The following PKD1 variants were observed in gnomAD, a reference collection of about 807,000 sequenced individuals.
PKD1 encodes the protein polycystin-1.
In PKD1, 81 loss-of-function variants were observed where a neutral mutation model predicts 361.7. That is an observed-to-expected ratio of 0.22 (90% CI 0.19 to 0.27). The LOEUF is 0.27. Among genes scored for constraint, PKD1 ranks in the 10% least tolerant of loss-of-function variants. The probability of loss-of-function intolerance (pLI) is 1.00; values close to 1 mark genes in which losing one functional copy is unlikely to be tolerated. For missense variants in PKD1, 6,399 were observed against 6,118.3 expected, an observed-to-expected ratio of 1.05 and a Z score of -1.53; for synonymous variants, 3,615 against 2,818.3, an observed-to-expected ratio of 1.28 and a Z score of -8.95.
intron 20 of PKD1, 184 bp from the exon 21 acceptor site, chr16:2,105,658 G>C (rs539110445): frequency 1.0e-5 from 15 of 1,448,298 alleles, no homozygotes; most frequent in Non-Finnish European, 1.3e-5. Flanking sequence ...CCTCCTGGGC[G>C]GGGGCTGCAT....
chr16:2,090,577 C>T lies in PKD1; in HGVS notation c.12152G>A (p.Cys4051Tyr). 3.1e-6 allele frequency: 5 copies of T among 1,608,966 alleles called. No homozygotes were observed. The highest frequency in any genetic ancestry group is 4.2e-6 in the Non-Finnish European group (5 of 1,179,732). Residue 4051 changes from cysteine to tyrosine, a missense_variant, in exon 45 of 46, where the codon TGT (cysteine) becomes TAT (tyrosine). Transcript: ENST00000262304. The part of the protein sequence containing the change: ...AQLAILLVSS[C>Y]VDSLWSVAQA... ...GGCCACGCTCCAGAGGGAGTCCACA[C>T]AGGAAGACACGAGCTGCGGGGAAGG...
intron 30 of PKD1, chr16:2,098,824 G>A (rs1308551144): frequency 7.2e-6 from 1 of 138,248 alleles, no homozygotes; most frequent in African/African-American, 3.1e-5. Flanking sequence ...GCTTTTCTTT[G>A]TGGGATTTTT....
Position 2,112,266 on chromosome 16 carries a change from T to C in PKD1, c.3295+74A>G, listed in dbSNP as rs2092532788. ...GCTGTTGGGGAGGAAGGGGGGCAGCTTGACTGGGGAGCTGGGGGGACCCCG... is the reference window on the plus strand; with the variant it reads ...GCTGTTGGGGAGGAAGGGGGGCAGCCTGACTGGGGAGCTGGGGGGACCCCG... On this transcript the variant is annotated intron_variant, in intron 14 of 45. Transcript: ENST00000262304. The C allele has an allele frequency of 1.1e-5, 15 of 1,345,192 alleles. 1 individual carries two copies. In the South Asian group the frequency reaches 1.5e-4, roughly 13 times the overall value. The allele number at this position is 1,345,192 out of a possible 1,614,324, so 83.3% of individuals were successfully genotyped here. A position where few individuals can be genotyped will look rare whatever the true frequency, so the allele number is the denominator to read the frequency against.
rs2091400574 is a variant in PKD1, at chr16:2,090,008, C to G, written c.12631G>C (p.Glu4211Gln). Residue 4211 changes from glutamate (E) to glutamine (Q), a missense_variant, in exon 46 of 46, where the codon GAG becomes CAG. Glu to Gln is a conservative substitution (Grantham distance 29). Transcript: ENST00000262304. The stretch of plus-strand genomic sequence containing the variant: ...AACACGGCTTGGAGGCGGGAGGGCT[C>G]AGGCTCACACCTTGTCCCCAGCCGG... ...LGRLGTRCEP[E>Q]PSRLQAVFEA... 3.7e-6 allele frequency: 6 copies of G among 1,610,012 alleles called. No homozygotes were observed. In the South Asian group the frequency reaches 6.6e-5, roughly 18 times the overall value.
chr16:2,090,735 A>G lies in PKD1; in HGVS notation c.12077T>C (p.Leu4026Pro). 6.2e-7 allele frequency: 1 copy of G among 1,612,580 alleles called. No individual in the cohort carries two copies. The change falls in exon 44 of 46, where the codon CTC becomes CCC. Residue 4026 changes from leucine (L) to proline (P), a missense_variant. Leu to Pro is a moderately conservative substitution (Grantham distance 98). Coordinates refer to ENST00000262304, the MANE Select transcript of PKD1 (RefSeq NM_001009944.3). ...CACCAGGCCCAAGGTGACCCCCAGG[A>G]GCTCTGGCAGAGCTCGGCATAATGT... ...GKTLCRALPE[L>P]LGVTLGLVVL...
rs1195749154 is a variant in PKD1 at position 2,089,707 on chromosome 16, A to C, written c.*20T>G. On this transcript the variant is annotated 3_prime_UTR_variant, in exon 46 of 46. Coordinates refer to ENST00000262304, the MANE Select transcript of PKD1 (RefSeq NM_001009944.3). Reference sequence around the variant, plus strand: ...GGTGTCCACTCCGACTCCACGGCCCACCCCCGCCAGGAAGGAGGACTAAGT... The same window carrying C: ...GGTGTCCACTCCGACTCCACGGCCCCCCCCCGCCAGGAAGGAGGACTAAGT... 1 of 1,561,992 alleles carries C rather than the reference A, an allele frequency of 6.4e-7. No homozygotes were observed. The highest frequency in any genetic ancestry group is 1.2e-5 in the South Asian group (1 of 85,116).
intron 1 of PKD1, among the ~76,000 whole-genome samples, chr16:2,128,669 C>T (rs987129800): frequency 6.6e-6 from 1 of 152,176 alleles, no homozygotes; most frequent in South Asian, 2.1e-4. Context: ...GCGCGGAGCC[C>T]GGCGTGGCCA....
At chr16:2,113,064 G>T (rs1447210393) in intron 12 of PKD1, 97 bp downstream of exon 12, 5 of 1,325,382 alleles carry the variant, frequency 3.8e-6, no homozygotes, top group Non-Finnish European at 3.2e-6. Context: ...AGCGTCCTCG[G>T]GCAGCATGAA....
At chr16:2,129,623 T>C (rs1295857321) in intron 1 of PKD1, among the ~76,000 whole-genome samples, 1 of 144,166 alleles carries the variant, frequency 6.9e-6, no homozygotes, top group Non-Finnish European at 1.5e-5. Flanking sequence ...TGATCACAGC[T>C]CACTGCAGCC....
chr16:2,112,852 G>C lies in PKD1; in HGVS notation c.3097C>G (p.Pro1033Ala). 6.2e-7 allele frequency: 1 copy of C among 1,605,472 alleles called. No individual in the cohort carries two copies. The highest frequency in any genetic ancestry group is 8.5e-7 in the Non-Finnish European group (1 of 1,179,676). The change falls in exon 13 of 46, where the codon CCC (proline) becomes GCC (alanine). Residue 1033 changes from proline (P) to alanine (A), a missense_variant. Physicochemically the swap from Pro to Ala is conservative, Grantham distance 27 (BLOSUM62 -1). Transcript: ENST00000262304. Reference sequence around the variant, plus strand: ...GCCGTCAGTGCTAGCGTGGCATTGGGGGACAGCACGGCCGGCACTGTGGAG... The same window carrying C: ...GCCGTCAGTGCTAGCGTGGCATTGGCGGACAGCACGGCCGGCACTGTGGAG... The part of the protein sequence containing the change: ...QVSTVPAVLS[P>A]NATLALTAGV...
chr16:2,105,708 C>G, intron 20 of PKD1, 157 bp downstream of exon 20: 1 of 1,290,370 alleles, frequency 7.7e-7, no homozygotes, highest in South Asian at 1.3e-5. Flanking sequence ...GTGGGTGTGG[C>G]TGCTGGGAGC....
intron 30 of PKD1, chr16:2,098,736 GAA>G (rs1180117234): frequency 6.9e-6 from 1 of 144,902 alleles, no homozygotes; most frequent in Non-Finnish European, 1.5e-5. Context: ...TGTATTCTTG[GAA>G]AGAGTCTGTG....
Position 2,100,199 on chromosome 16 carries a change from C to A in PKD1, c.9679G>T (p.Gly3227Trp). The A allele has an allele frequency of 6.2e-7, 1 of 1,609,744 alleles. No homozygotes were observed. The highest frequency in any genetic ancestry group is 1.1e-5 in the South Asian group (1 of 90,988). ...AGCACCTCCTTCTCCACCAGGCCCCCGTTGGCCTCCGTCTCCACCGAAAGC... is the reference window on the plus strand; with the variant it reads ...AGCACCTCCTTCTCCACCAGGCCCCAGTTGGCCTCCGTCTCCACCGAAAGC... ...DWLSVETEAN[G>W]GLVEKEVLAA... Residue 3227 changes from glycine (G) to tryptophan (W), a missense_variant, in exon 28 of 46, where the codon GGG becomes TGG. Coordinates refer to ENST00000262304, the MANE Select transcript of PKD1 (RefSeq NM_001009944.3). This position sits in a 1 kb window ranked among gnomAD's most constrained non-coding sequence, Gnocchi z 4.4.
In PKD1 at chr16:2,110,112, G is replaced by C; in HGVS notation, c.5055C>G (p.Leu1685=). Residue 1685 remains leucine, a synonymous_variant, in exon 15 of 46, where the codon CTC becomes CTG. Coordinates refer to ENST00000262304, the MANE Select transcript of PKD1 (RefSeq NM_001009944.3). ...ALAGSGKGFS[L]TVLEAGTYHV... ...GGTAGGTGCCGGCCTCGAGCACGGT[G>C]AGCGAGAAGCCTTTGCCGCTGCCGG... The C allele has an allele frequency of 6.2e-7, 1 of 1,609,672 alleles. No individual in the cohort carries two copies. Among genetic ancestry groups the C allele is most frequent in the Non-Finnish European group, 8.5e-7 (1 of 1,179,384 alleles).
chr16:2,131,268 T>C (rs1202514264), intron 1 of PKD1, among the ~76,000 whole-genome samples: 1 of 152,048 alleles, frequency 6.6e-6, no homozygotes, highest in Non-Finnish European at 1.5e-5. Context: ...TCCCAGCACT[T>C]TGGGAGGCTG....
At position 2,118,528 on chromosome 16, in the gene PKD1, C is replaced by A. The variant is rs576798320; in HGVS notation, c.530-66G>T. 2 of 1,377,806 alleles carry A rather than the reference C, an allele frequency of 1.5e-6. No individual in the cohort carries two copies. Among genetic ancestry groups the A allele is most frequent in the African/African-American group, 2.9e-5 (2 of 69,982 alleles). 85.3% of individuals were successfully genotyped at this position (1,377,806 alleles called of 1,614,324 possible). The stretch of plus-strand genomic sequence containing the variant: ...TGGCTCCACCCCACGCCCCCACATC[C>A]GCCCGCCGCACTCACAGGCTCCCAT... On this transcript the variant is annotated intron_variant, in intron 4 of 45. Coordinates refer to ENST00000262304, the MANE Select transcript of PKD1 (RefSeq NM_001009944.3). This position sits in a 1 kb window ranked among gnomAD's most constrained non-coding sequence, Gnocchi z 6.0.
At chr16:2,098,185 G>A in intron 30 of PKD1, 1 of 600,568 alleles carries the variant, frequency 1.7e-6, no homozygotes, top group South Asian at 2.0e-5. Context: ...ACAGCAGACT[G>A]GTGCAGCTAA....
intron 37 of PKD1, 160 bp downstream of exon 37, chr16:2,093,384 G>A (rs1596487162): frequency 4.0e-6 from 3 of 751,744 alleles, no homozygotes; most frequent in East Asian, 2.7e-5. Context: ...CAAGTGGGGG[G>A]CGTGGGGTAG....
chr16:2,092,291 C>G, intron 39 of PKD1, 103 bp from the exon 40 acceptor site: 2 of 1,286,722 alleles, frequency 1.6e-6, no homozygotes, highest in African/African-American at 1.5e-5. Flanking sequence ...GGCGCCACCC[C>G]AGGGAACCCT....
Sources: gnomAD v4.1 joint callset for allele counts (sites outside exome capture counted in the v4.1 genomes callset) on GRCh38, gnomAD v4.1.1 for gene constraint, Gnocchi (gnomAD v3.1) non-coding constraint, MANE v1.5 for transcripts, NCBI Gene and HGNC (gene_info 2026-07-23, HGNC 2026-07-21) for gene names.